Variants in LOC400499 observed in about 807,000 individuals in gnomAD.
chr16:11,378,165 G>C, the LOC400499 span, among the ~76,000 whole-genome samples: 25 of 151,984 alleles, frequency 1.6e-4, no homozygotes, highest in African/African-American at 5.5e-4. Context: ...TCAAACTCCT[G>C]GGCTCAAGCA....
the LOC400499 span, among the ~76,000 whole-genome samples, chr16:11,455,604 A>G: frequency 0.73 from 109,734 of 151,322 alleles, 40,331 homozygotes; most frequent in Admixed American, 0.79. Context: ...GTGTGGTGGC[A>G]CACACCTGTA....
the LOC400499 span, among the ~76,000 whole-genome samples, chr16:11,494,363 T>G: frequency 1.2e-4 from 6 of 49,946 alleles, no homozygotes; most frequent in South Asian, 8.2e-4. Context: ...GGCAGTGGTG[T>G]GGGGGGGGCA....
the LOC400499 span, chr16:11,485,096 CAG>C: frequency 5.0e-6 from 2 of 398,828 alleles, no homozygotes; most frequent in African/African-American, 4.1e-5. Flanking sequence ...GCCACAGGCT[CAG>C]GGAGGAACAA....
the LOC400499 span, among the ~76,000 whole-genome samples, chr16:11,401,781 AC>A: frequency 6.6e-6 from 1 of 152,214 alleles, no homozygotes; most frequent in African/African-American, 2.4e-5. Context: ...GTGTGGCTTC[AC>A]GCACAGAACC....
the LOC400499 span, chr16:11,478,456 C>T: frequency 2.5e-6 from 1 of 398,528 alleles, no homozygotes; most frequent in African/African-American, 2.1e-5. Flanking sequence ...AGCCTGACTC[C>T]AAATTTCATG....
At chr16:11,373,467 G>A in the LOC400499 span, among the ~76,000 whole-genome samples, 2 of 152,234 alleles carry the variant, frequency 1.3e-5, no homozygotes, top group East Asian at 3.9e-4. Flanking sequence ...CTGAGTAGCT[G>A]GGATTACATG....
At chr16:11,403,805 G>A in the LOC400499 span, among the ~76,000 whole-genome samples, 76 of 151,932 alleles carry the variant, frequency 5.0e-4, no homozygotes, top group African/African-American at 1.7e-3. Flanking sequence ...TGTTGTTGGC[G>A]CTGTGTCGGC....
chr16:11,381,261 T>C, the LOC400499 span: 1 of 152,180 alleles, frequency 6.6e-6, no homozygotes, highest in Non-Finnish European at 1.5e-5. Flanking sequence ...AGTTTTTGTT[T>C]TGTGAGACAG....
At chr16:11,459,924 C>T in the LOC400499 span, 4 of 1,484,942 alleles carry the variant, frequency 2.7e-6, no homozygotes, top group Non-Finnish European at 8.9e-7. Flanking sequence ...CAGGGCGGGC[C>T]CCGAGTCATT....
At chr16:11,450,505 AGCT>A in the LOC400499 span, 22 of 1,115,090 alleles carry the variant, frequency 2.0e-5, no homozygotes, top group Non-Finnish European at 2.8e-5. Context: ...CACACCTGTG[AGCT>A]GCTATCTGCC....
At chr16:11,494,405 C>T in the LOC400499 span, among the ~76,000 whole-genome samples, 7 of 141,974 alleles carry the variant, frequency 4.9e-5, no homozygotes, top group Non-Finnish European at 1.1e-4. Flanking sequence ...CGTGGGGGGG[C>T]AGGCAGGAGG....
chr16:11,404,365 T>C, the LOC400499 span, among the ~76,000 whole-genome samples: 24 of 152,284 alleles, frequency 1.6e-4, no homozygotes, highest in East Asian at 4.6e-3. Context: ...CATGGCTTTT[T>C]TGAGACCGAG....
At chr16:11,404,391 G>A in the LOC400499 span, among the ~76,000 whole-genome samples, 1 of 152,084 alleles carries the variant, frequency 6.6e-6, no homozygotes, top group East Asian at 1.9e-4. Context: ...CTCTCGCTCA[G>A]GCTGGAATGC....
the LOC400499 span, chr16:11,399,490 C>T: frequency 2.5e-6 from 1 of 398,952 alleles, no homozygotes; most frequent in Non-Finnish European, 4.4e-6. Flanking sequence ...TCAAGTTCTG[C>T]CGCATGCGGT....
the LOC400499 span, among the ~76,000 whole-genome samples, chr16:11,485,548 G>T: frequency 6.6e-6 from 1 of 151,968 alleles, no homozygotes; most frequent in Admixed American, 6.6e-5. Context: ...TGTCCCTCCC[G>T]TCTTCCATCT....
At chr16:11,436,040 A>G in the LOC400499 span, among the ~76,000 whole-genome samples, 1 of 152,138 alleles carries the variant, frequency 6.6e-6, no homozygotes, top group African/African-American at 2.4e-5. Context: ...AGACAGAGGG[A>G]GGAATGGGGG....
chr16:11,484,103 G>A, the LOC400499 span, among the ~76,000 whole-genome samples: 1 of 136,626 alleles, frequency 7.3e-6, no homozygotes, highest in African/African-American at 2.8e-5. Context: ...CGCCTCCCGA[G>A]TTCACACCAT....
the LOC400499 span, among the ~76,000 whole-genome samples, chr16:11,414,014 C>T: frequency 1.3e-5 from 2 of 152,078 alleles, no homozygotes; most frequent in South Asian, 4.1e-4. Flanking sequence ...CCCATAAACC[C>T]TTTGAAGGGG....
the LOC400499 span, among the ~76,000 whole-genome samples, chr16:11,429,987 A>G: frequency 2.0e-5 from 3 of 152,172 alleles, no homozygotes; most frequent in African/African-American, 7.2e-5. Context: ...TTTACAGCCA[A>G]GAAACCTGGC....
Sources: gnomAD v4.1 joint callset for allele counts (sites outside exome capture counted in the v4.1 genomes callset) on GRCh38, gnomAD v4.1.1 for gene constraint, MANE v1.5 for transcripts.